Variants in GRID2 observed in about 807,000 individuals in gnomAD.
GRID2 encodes glutamate receptor ionotropic, delta-2.
In GRID2, 33 loss-of-function variants were observed where a neutral mutation model predicts 114.8. The ratio of observed to expected loss-of-function variants is 0.29; its 90% CI spans 0.22 to 0.38. The LOEUF (loss-of-function observed/expected upper bound fraction) is 0.38. GRID2 is among the 10% of genes least tolerant of loss of function. The pLI, the probability that GRID2 is intolerant of heterozygous loss-of-function variation, is 1.00. For synonymous variants in GRID2, 505 were observed against 449.9 expected, an observed-to-expected ratio of 1.12 and a Z score of -1.55; for missense variants, 1,184 against 1,257.7, an observed-to-expected ratio of 0.94 and a Z score of 0.89.
At chr4:92,304,863 T>A in intron 1 of GRID2, 119 bp downstream of exon 1, 1 of 742,142 alleles carries the variant, frequency 1.3e-6, no homozygotes. Flanking sequence ...TTCAGTTCAT[T>A]GCCCCTTCCC....
chr4:93,344,653 T>C (rs1443563703), intron 8 of GRID2, among the ~76,000 whole-genome samples: 1 of 148,176 alleles, frequency 6.7e-6, no homozygotes, highest in East Asian at 1.9e-4. Flanking sequence ...ATTTAATATA[T>C]TTACAGTATA....
intron 8 of GRID2, among the ~76,000 whole-genome samples, chr4:93,351,384 G>T (rs1760793337): frequency 6.6e-6 from 1 of 151,968 alleles, no homozygotes; most frequent in African/African-American, 2.4e-5. Context: ...CAGATTTTAT[G>T]ATTGAAATTG....
At chr4:92,410,126 T>C (rs191280716) in intron 1 of GRID2, among the ~76,000 whole-genome samples, 1 of 152,212 alleles carries the variant, frequency 6.6e-6, no homozygotes, top group Non-Finnish European at 1.5e-5. Context: ...CATTAAACTT[T>C]TTGGGTTTCG....
intron 2 of GRID2, among the ~76,000 whole-genome samples, chr4:92,837,353 C>G (rs1470505088): frequency 6.6e-6 from 1 of 151,914 alleles, no homozygotes; most frequent in Non-Finnish European, 1.5e-5. Flanking sequence ...TCTATGTTTA[C>G]CCAAGAACAA....
At chr4:92,806,374 G>C (rs1740417797) in intron 2 of GRID2, among the ~76,000 whole-genome samples, 1 of 151,806 alleles carries the variant, frequency 6.6e-6, no homozygotes, top group African/African-American at 2.4e-5. Flanking sequence ...TTAAAAGATT[G>C]TATAAATGCA....
intron 1 of GRID2, among the ~76,000 whole-genome samples, chr4:92,321,148 T>C (rs1459391402): frequency 1.3e-5 from 2 of 152,148 alleles, no homozygotes; most frequent in African/African-American, 4.8e-5. Context: ...GAAAGGAAAC[T>C]TGTGCTCCAA....
chr4:93,237,794 C>T (rs902645684), intron 7 of GRID2, among the ~76,000 whole-genome samples: 13 of 151,822 alleles, frequency 8.6e-5, no homozygotes, highest in East Asian at 3.9e-4. Context: ...CAGCACTACC[C>T]GTTAAGAGCA....
Position 93,085,258 on chromosome 4 carries a change from A to G in GRID2, c.508A>G (p.Ile170Val). Residue 170 changes from isoleucine (I) to valine (V), a missense_variant, in exon 3 of 16, where the codon ATA becomes GTA. Physicochemically the swap from Ile to Val is conservative, Grantham distance 29. Transcript: ENST00000282020. ...VTEYAWQKFI[I>V]FYDSEYDIRG... ...AGAGTATGCCTGGCAGAAATTCATT[A>G]TATTCTATGATAGTGAATACGGTAA... 6.2e-7 allele frequency: 1 copy of G among 1,612,794 alleles called. No individual in the cohort carries two copies. Among genetic ancestry groups the G allele is most frequent in the Non-Finnish European group, 8.5e-7 (1 of 1,178,756 alleles).
At chr4:92,675,752 C>T (rs1199982447) in intron 2 of GRID2, among the ~76,000 whole-genome samples, 3 of 151,910 alleles carry the variant, frequency 2.0e-5, no homozygotes, top group Non-Finnish European at 4.4e-5. Flanking sequence ...GACAGGGTTT[C>T]ACCATGTTAG....
chr4:92,645,912 C>T (rs1237739586), intron 2 of GRID2, among the ~76,000 whole-genome samples: 1 of 151,638 alleles, frequency 6.6e-6, no homozygotes, highest in African/African-American at 2.4e-5. Context: ...AATAAGCTGC[C>T]GCAAATATCT....
At chr4:93,660,014 G>A (rs892173309) in intron 14 of GRID2, among the ~76,000 whole-genome samples, 8 of 150,332 alleles carry the variant, frequency 5.3e-5, no homozygotes, top group East Asian at 1.9e-4. Context: ...AGCACTATTC[G>A]TGATTTTTTT....
intron 14 of GRID2, among the ~76,000 whole-genome samples, chr4:93,659,715 T>C (rs1354356197): frequency 6.6e-6 from 1 of 152,196 alleles, no homozygotes; most frequent in Non-Finnish European, 1.5e-5. Flanking sequence ...GACCCAAACA[T>C]AGCTGAGTCA....
intron 4 of GRID2, among the ~76,000 whole-genome samples, chr4:93,188,083 G>A (rs369861973): frequency 3.9e-5 from 6 of 152,288 alleles, no homozygotes; most frequent in South Asian, 4.1e-4. Context: ...GGTTAGACTT[G>A]CATGCTGAAG....
chr4:92,692,509 T>C (rs1734225285), intron 2 of GRID2, among the ~76,000 whole-genome samples: 1 of 152,216 alleles, frequency 6.6e-6, no homozygotes, highest in Admixed American at 6.5e-5. Flanking sequence ...TTAAGATCCA[T>C]CTAAGTATAC....
At position 92,367,322 on chromosome 4, in the gene GRID2, G is replaced by A. The variant is rs1327561037; in HGVS notation, c.88+62578G>A. ...AGAACAATGATAAAATAATGTGCAT[G>A]TACATCAATAAAATTGCAAAATTTT... On this transcript the variant is annotated intron_variant, in intron 1 of 15. Transcript: ENST00000282020. Among the ~76,000 whole-genome samples, 50 of 152,142 alleles carry A rather than the reference G, an allele frequency of 3.3e-4. 1 individual carries two copies. The highest frequency in any genetic ancestry group is 3.3e-3 in the Admixed American group (50 of 15,218).
At chr4:93,574,666 A>G (rs558366193) in intron 13 of GRID2, among the ~76,000 whole-genome samples, 155 of 152,278 alleles carry the variant, frequency 1.0e-3, no homozygotes, top group African/African-American at 3.7e-3. Context: ...CCATGATTCA[A>G]TTACCTCCCA....
chr4:92,733,494 C>G (rs1736433286), intron 2 of GRID2, among the ~76,000 whole-genome samples: 1 of 151,972 alleles, frequency 6.6e-6, no homozygotes, highest in South Asian at 2.1e-4. Context: ...GGGGACAGGA[C>G]TGAAAAGAAG....
chr4:92,898,312 C>T (rs1747317577), intron 2 of GRID2, among the ~76,000 whole-genome samples: 1 of 152,098 alleles, frequency 6.6e-6, no homozygotes, highest in Non-Finnish European at 1.5e-5. Flanking sequence ...TATAGTTACA[C>T]ATCCATTTTT....
intron 13 of GRID2, among the ~76,000 whole-genome samples, chr4:93,568,711 G>A (rs886916900): frequency 6.6e-6 from 1 of 152,146 alleles, no homozygotes; most frequent in Non-Finnish European, 1.5e-5. Context: ...CAAACCATCA[G>A]GGAGTGCACT....
Sources: gnomAD v4.1 joint callset for allele counts (sites outside exome capture counted in the v4.1 genomes callset) on GRCh38, gnomAD v4.1.1 for gene constraint, MANE v1.5 for transcripts, NCBI Gene and HGNC (gene_info 2026-07-23, HGNC 2026-07-21) for gene names.